ADCY1: variants seen among roughly 807,000 people sequenced by gnomAD.
ADCY1 encodes adenylate cyclase 1.
Under a neutral mutation model 105.4 loss-of-function variants are expected in ADCY1, and 28 were observed. The observed-to-expected ratio is 0.27, with a 90% CI of 0.20 to 0.36. The LOEUF (loss-of-function observed/expected upper bound fraction) is 0.36, where lower values mean the gene tolerates loss of function less well. Among genes scored for constraint, ADCY1 ranks in the 10% least tolerant of loss-of-function variants. ADCY1 has a pLI of 1.00. For missense variants in ADCY1, 977 were observed against 1,434.2 expected (o/e 0.68, Z 5.15); for synonymous variants, 655 against 623.8 (o/e 1.05, Z -0.75).
At chr7:45,601,304 A>G (rs1197654504) in intron 2 of ADCY1, among the ~76,000 whole-genome samples, 2 of 152,146 alleles carry the variant, frequency 1.3e-5, no homozygotes, top group East Asian at 3.9e-4. Context: ...GGATCCTGCC[A>G]GGTTCTCAGC....
chr7:45,712,855 C>T (rs1785289147), intron 19 of ADCY1, among the ~76,000 whole-genome samples: 1 of 152,186 alleles, frequency 6.6e-6, no homozygotes, highest in African/African-American at 2.4e-5. Flanking sequence ...TTTTTCCTAA[C>T]TTTGTGAAGC....
Position 45,609,383 on chromosome 7 carries a change from T to C in ADCY1, c.790-996T>C, listed in dbSNP as rs80312451. Among the ~76,000 whole-genome samples the C allele has an allele frequency of 6.2e-3, 941 of 152,326 alleles. 10 individuals carry two copies. Among genetic ancestry groups the C allele is most frequent in the African/African-American group, 0.021 (893 of 41,586 alleles). ...CAGTGCTGGGTGCCCGCGTGACTAC[T>C]GCTAAGGCTCCTTGGAGGGAGGGAA... On this transcript the variant is annotated intron_variant, in intron 2 of 19. Coordinates refer to ENST00000297323, the MANE Select transcript of ADCY1 (RefSeq NM_021116.4).
At chr7:45,593,965 A>G (rs1417664137) in intron 2 of ADCY1, among the ~76,000 whole-genome samples, 2 of 152,156 alleles carry the variant, frequency 1.3e-5, no homozygotes, top group African/African-American at 2.4e-5. Flanking sequence ...GTCTGTGTAT[A>G]TGTACATGTG....
intron 8 of ADCY1, among the ~76,000 whole-genome samples, chr7:45,672,478 G>T (rs182782757): frequency 2.7e-4 from 40 of 150,746 alleles, no homozygotes; most frequent in Non-Finnish European, 5.6e-4. Context: ...GATTTTCTTC[G>T]ATTCCTTACA....
rs1332694939 is a variant in ADCY1, at chr7:45,692,812, T to C, written c.2454+6139T>C. Among the ~76,000 whole-genome samples, 4 of 152,124 alleles carry C rather than the reference T, an allele frequency of 2.6e-5. No homozygotes were observed. In the South Asian group the frequency reaches 8.3e-4, roughly 32 times the overall value. The stretch of plus-strand genomic sequence containing the variant: ...CATCACATTGCACATCTTAGATATA[T>C]ACAGTTTTTGTTTGTCAATTAAATA... On this transcript the variant is annotated intron_variant, in intron 14 of 19. Transcript: ENST00000297323.
In ADCY1 at chr7:45,710,163, T is replaced by C. The variant is rs1019611428; in HGVS notation, c.2933-365T>C. Among the ~76,000 whole-genome samples, 2 of 152,180 alleles carry C rather than the reference T, an allele frequency of 1.3e-5. No homozygotes were observed. Among genetic ancestry groups the C allele is most frequent in the Non-Finnish European group, 2.9e-5 (2 of 68,026 alleles). The stretch of plus-strand genomic sequence containing the variant: ...GAGACATACCCTGTAATCACAGATA[T>C]TGAAAGGCCACACTTCTGAGTGGCT... On this transcript the variant is annotated intron_variant, in intron 18 of 19. Coordinates refer to ENST00000297323, the MANE Select transcript of ADCY1 (RefSeq NM_021116.4). The surrounding 1 kb of genome is among the most constrained non-coding windows in gnomAD (Gnocchi z 4.7).
At position 45,678,021 on chromosome 7, in the gene ADCY1, C is replaced by G. The variant is rs1213762901; in HGVS notation, c.1758C>G (p.Asn586Lys). 1.2e-6 allele frequency: 2 copies of G among 1,614,066 alleles called. No homozygotes were observed. Among genetic ancestry groups the G allele is most frequent in the Non-Finnish European group, 8.5e-7 (1 of 1,180,040 alleles). ...RQTELEMADL[N>K]FFTLKYKHVE... ...CAGAGCTGGAGATGGCAGACCTGAA[C>G]TTCTTTACCCTGAAGTACAAACATG... Residue 586 changes from asparagine to lysine, a missense_variant, in exon 9 of 20, where the codon AAC (asparagine) becomes AAG (lysine). Asn to Lys is a moderately conservative substitution (Grantham distance 94). Transcript: ENST00000297323.
intron 4 of ADCY1, among the ~76,000 whole-genome samples, chr7:45,637,216 G>A (rs1422204805): frequency 1.3e-5 from 2 of 152,070 alleles, no homozygotes; most frequent in Non-Finnish European, 1.5e-5. Flanking sequence ...ATATACATCT[G>A]TTTCTTCCTT....
intron 14 of ADCY1, among the ~76,000 whole-genome samples, chr7:45,689,179 G>A (rs1784741161): frequency 6.6e-6 from 1 of 151,972 alleles, no homozygotes. Context: ...CTCTCCCGGG[G>A]AAGTGCTGCT....
Position 45,592,071 on chromosome 7 carries a change from A to G in ADCY1, c.640-688A>G, listed in dbSNP as rs147979340. On this transcript the variant is annotated intron_variant, in intron 1 of 19. Transcript: ENST00000297323. ...GTTTTTTGTTTTTTTTTTTTTGTGA[A>G]CTCACCTTTCCTGAATCTTTCCAGA... 9.4e-4 allele frequency among the ~76,000 whole-genome samples: 139 copies of G among 148,608 alleles called. 2 individuals are homozygous for G. The highest frequency in any genetic ancestry group is 6.9e-3 in the Admixed American group (104 of 15,012).
At chr7:45,635,612 T>TG (rs1562699574) in intron 4 of ADCY1, among the ~76,000 whole-genome samples, 3 of 138,992 alleles carry the variant, frequency 2.2e-5, no homozygotes, top group South Asian at 2.3e-4. Flanking sequence ...TTTTTTTTTT[T>TG]TTTTTTTTTT....
intron 1 of ADCY1, among the ~76,000 whole-genome samples, chr7:45,581,374 G>A (rs1034590574): frequency 3.3e-5 from 5 of 152,202 alleles, no homozygotes; most frequent in Non-Finnish European, 7.3e-5. Context: ...CTGCAGCGAG[G>A]CGCTGGTCTT....
chr7:45,678,889 A>AAT (rs1784509900), intron 10 of ADCY1, among the ~76,000 whole-genome samples: 1 of 149,728 alleles, frequency 6.7e-6, no homozygotes, highest in African/African-American at 2.4e-5. Flanking sequence ...TTGTCTCTAA[A>AAT]AATAATAATA....
At chr7:45,579,801 T>C (rs1266197450) in intron 1 of ADCY1, among the ~76,000 whole-genome samples, 1 of 152,198 alleles carries the variant, frequency 6.6e-6, no homozygotes, top group African/African-American at 2.4e-5. Flanking sequence ...GTCCTGGGCA[T>C]GGCCCCCCAC....
At chr7:45,582,641 C>T (rs1026177044) in intron 1 of ADCY1, among the ~76,000 whole-genome samples, 1 of 152,150 alleles carries the variant, frequency 6.6e-6, no homozygotes, top group Admixed American at 6.5e-5. Flanking sequence ...TTCTCCCTCC[C>T]AGTGTTTCTC....
At chr7:45,659,018 A>T (rs912608794) in intron 6 of ADCY1, among the ~76,000 whole-genome samples, 2 of 152,212 alleles carry the variant, frequency 1.3e-5, no homozygotes, top group Non-Finnish European at 2.9e-5. Context: ...GCACAGGGAC[A>T]AGCTGAGGCT....
chr7:45,651,758 T>C (rs1437289043), intron 5 of ADCY1, among the ~76,000 whole-genome samples: 1 of 152,204 alleles, frequency 6.6e-6, no homozygotes, highest in Non-Finnish European at 1.5e-5. Flanking sequence ...TGACTTCCTC[T>C]TTTAATAGAG....
At chr7:45,652,096 C>T (rs746475156) in intron 5 of ADCY1, among the ~76,000 whole-genome samples, 1 of 152,026 alleles carries the variant, frequency 6.6e-6, no homozygotes, top group African/African-American at 2.4e-5. Flanking sequence ...CTTCTCATGG[C>T]GGCAGGAGAG....
Position 45,574,623 on chromosome 7 carries a change from C to G in ADCY1, c.80C>G (p.Thr27Arg). ...EPGGAERAAG[T>R]SRRRGLRACD... ...GGGGGCGCCGAGCGGGCGGCCGGGACAAGCCGCCGGCGCGGGCTCCGGGCG... is the reference window on the plus strand; with the variant it reads ...GGGGGCGCCGAGCGGGCGGCCGGGAGAAGCCGCCGGCGCGGGCTCCGGGCG... Residue 27 changes from threonine (T) to arginine (R), a missense_variant, in exon 1 of 20, where the codon ACA becomes AGA. Thr to Arg is a moderately conservative substitution (Grantham distance 71). This residue lies in a region of ADCY1 where 209 missense variants were observed against 222.5 expected (regional missense o/e 0.94). Transcript: ENST00000297323. The surrounding 1 kb of genome is among the most constrained non-coding windows in gnomAD (Gnocchi z 7.0). 8.4e-7 allele frequency: 1 copy of G among 1,189,778 alleles called. No individual in the cohort carries two copies. Among genetic ancestry groups the G allele is most frequent in the Non-Finnish European group, 1.0e-6 (1 of 962,276 alleles). The allele number at this position is 1,189,778 out of a possible 1,614,324, so 73.7% of individuals were successfully genotyped here.
Sources: allele counts gnomAD v4.1 joint callset (sites outside exome capture counted in the v4.1 genomes callset), GRCh38; gene constraint gnomAD v4.1.1; regional missense constraint gnomAD v4.1.1; non-coding constraint Gnocchi (gnomAD v3.1); transcripts MANE v1.5; gene names NCBI Gene and HGNC (gene_info 2026-07-23, HGNC 2026-07-21).